OSMR: variants seen among roughly 807,000 people sequenced by gnomAD.
OSMR encodes the protein oncostatin M receptor.
A neutral mutation model predicts 99.9 loss-of-function variants in OSMR; 81 were observed. The observed-to-expected ratio is 0.81, with a 90% CI of 0.68 to 0.97. OSMR has a LOEUF of 0.97. Ranked by LOEUF, OSMR falls within the 50% of genes least tolerant of loss-of-function variation. The pLI is 0.00. For synonymous variants in OSMR, 406 were observed against 410.4 expected (o/e 0.99, Z 0.13); for missense variants, 1,099 against 1,153.4 (o/e 0.95, Z 0.68).
intron 10 of OSMR, 182 bp from the exon 11 acceptor site, chr5:38,918,658 A>G: frequency 1.3e-6 from 1 of 786,836 alleles, no homozygotes; most frequent in Non-Finnish European, 1.5e-6. Context: ...ACTCACCTTC[A>G]GTTAGATTTG....
intron 15 of OSMR, 43 bp downstream of exon 15, chr5:38,925,414 G>A: frequency 3.9e-6 from 6 of 1,530,558 alleles, no homozygotes; most frequent in Middle Eastern, 1.7e-4. Context: ...GGAGTTTCTG[G>A]GAAACTAACA....
In OSMR at chr5:38,904,489, C is replaced by T; in HGVS notation, c.1271C>T (p.Thr424Ile). The change falls in exon 9 of 18, where the codon ACC becomes ATC. Residue 424 changes from threonine to isoleucine, a missense_variant. Transcript: ENST00000274276. ...AGTGAATGGAGTGGTCAGAACTTCACCACACTTGAAGCTGGTATGTTCAGC... is the reference window on the plus strand; with the variant it reads ...AGTGAATGGAGTGGTCAGAACTTCATCACACTTGAAGCTGGTATGTTCAGC... ...KWSEWSGQNFTTLEAAPSEAP... is the reference protein window; with the variant it reads ...KWSEWSGQNFITLEAAPSEAP... 4 of 1,614,128 alleles carry T rather than the reference C, an allele frequency of 2.5e-6. No homozygotes were observed. The highest frequency in any genetic ancestry group is 2.5e-6 in the Non-Finnish European group (3 of 1,180,024).
chr5:38,891,928 C>T (rs970448599), intron 7 of OSMR, among the ~76,000 whole-genome samples: 1 of 152,144 alleles, frequency 6.6e-6, no homozygotes. Flanking sequence ...ACCCAGACTG[C>T]AGATCACATG....
At chr5:38,875,459 A>G (rs1227872337) in intron 2 of OSMR, among the ~76,000 whole-genome samples, 2 of 152,218 alleles carry the variant, frequency 1.3e-5, no homozygotes, top group East Asian at 3.8e-4. Flanking sequence ...AGTCAGCCTA[A>G]GAGATAGGCT....
At chr5:38,904,288 A>G (rs889819990) in intron 8 of OSMR, 65 bp from the exon 9 acceptor site, 3 of 1,559,896 alleles carry the variant, frequency 1.9e-6, no homozygotes, top group South Asian at 1.2e-5. Flanking sequence ...AATGGGATGC[A>G]CTCACCAATG....
intron 1 of OSMR, among the ~76,000 whole-genome samples, chr5:38,858,383 G>T (rs1445182776): frequency 1.3e-5 from 2 of 150,832 alleles, no homozygotes; most frequent in African/African-American, 4.9e-5. Context: ...TCTGTGCCTG[G>T]CTTATTTCAC....
In OSMR at chr5:38,924,484, T is replaced by C; in HGVS notation, c.1933T>C (p.Trp645Arg). The C allele has an allele frequency of 6.2e-7, 1 of 1,613,586 alleles. No homozygotes were observed. Among genetic ancestry groups the C allele is most frequent in the South Asian group, 1.1e-5 (1 of 91,082 alleles). The change falls in exon 14 of 18, where the codon TGG becomes CGG. Residue 645 changes from tryptophan (W) to arginine (R), a missense_variant. Physicochemically the swap from Trp to Arg is moderately radical, Grantham distance 101. Transcript: ENST00000274276. ...TLTSHSFTLS[W>R]KDYSTESQPG... Reference sequence around the variant, plus strand: ...GACATCCCACTCCTTCACTCTGAGTTGGAAAGATTACTCTACTGAATCTCA... The same window carrying C: ...GACATCCCACTCCTTCACTCTGAGTCGGAAAGATTACTCTACTGAATCTCA...
chr5:38,898,723 CTGG>C lies in OSMR; in HGVS notation c.992-5154_992-5152del, dbSNP rs200684017. ...TTCTTTTAGTGCAGGTGATTTTTCT[CTGG>C]TGGTATGATTTAATTTTCTGCTTTT... On this transcript the variant is annotated intron_variant, in intron 7 of 17. Transcript: ENST00000274276. Among the ~76,000 whole-genome samples the C allele has an allele frequency of 1.5e-3, 235 of 151,968 alleles. 4 individuals are homozygous for C. In the East Asian group the frequency reaches 0.036, roughly 23 times the overall value.
intron 1 of OSMR, among the ~76,000 whole-genome samples, chr5:38,857,655 C>T (rs1740959305): frequency 6.6e-6 from 1 of 151,984 alleles, no homozygotes; most frequent in Non-Finnish European, 1.5e-5. Context: ...ACTCTCTCTT[C>T]TAGCTATCTT....
intron 9 of OSMR, among the ~76,000 whole-genome samples, chr5:38,914,625 A>G (rs902471684): frequency 3.3e-5 from 5 of 152,246 alleles, no homozygotes; most frequent in African/African-American, 1.2e-4. Flanking sequence ...TGGATTGGAC[A>G]AAGAAAATAT....
intron 2 of OSMR, among the ~76,000 whole-genome samples, chr5:38,872,165 C>T (rs1742432190): frequency 6.6e-6 from 1 of 152,214 alleles, no homozygotes; most frequent in Non-Finnish European, 1.5e-5. Context: ...TTTGATCCCA[C>T]TGACTTAACC....
At chr5:38,912,325 G>C (rs919484798) in intron 9 of OSMR, among the ~76,000 whole-genome samples, 2 of 151,984 alleles carry the variant, frequency 1.3e-5, no homozygotes, top group Non-Finnish European at 2.9e-5. Flanking sequence ...TCCTACTTTC[G>C]ATACTCACAT....
intron 9 of OSMR, among the ~76,000 whole-genome samples, chr5:38,913,846 CAGA>C (rs1252902762): frequency 6.6e-6 from 1 of 152,146 alleles, no homozygotes; most frequent in African/African-American, 2.4e-5. Flanking sequence ...CGTTTTTGCA[CAGA>C]AGGAGGTGTT....
At chr5:38,941,071 CAT>C (rs1262766005) in intron 1 of OSMR, 2 of 232,556 alleles carry the variant, frequency 8.6e-6, no homozygotes, top group African/African-American at 4.4e-5. Context: ...TACAAATTTG[CAT>C]ATATGTTTAA....
intron 11 of OSMR, among the ~76,000 whole-genome samples, chr5:38,920,863 C>G (rs548154167): frequency 1.3e-5 from 2 of 152,304 alleles, no homozygotes; most frequent in East Asian, 3.9e-4. Context: ...TTCCAATTGT[C>G]AGACATCAGG....
chr5:38,886,324 G>C lies in OSMR; in HGVS notation c.991+134G>C, dbSNP rs997522929. 19 of 1,524,544 alleles carry C rather than the reference G, an allele frequency of 1.2e-5. No homozygotes were observed. In the African/African-American group the frequency reaches 2.4e-4, roughly 19 times the overall value. The allele number at this position is 1,524,544 out of a possible 1,614,324, so 94.4% of individuals were successfully genotyped here. On this transcript the variant is annotated intron_variant, in intron 7 of 17. Transcript: ENST00000274276. Reference sequence around the variant, plus strand: ...GTGAGAGTTAGAATTTATACCTATTGTTCATGCCACGTTTCTCCTCATGGA... The same window carrying C: ...GTGAGAGTTAGAATTTATACCTATTCTTCATGCCACGTTTCTCCTCATGGA...
In OSMR at chr5:38,904,347, A is replaced by G. The variant is rs1745090899; in HGVS notation, c.1135-6A>G. ...TTTTCTTTTCTTCTCTTTTTTGATCAAGCAGTACAATGTTTCCATCAAGGT... is the reference window on the plus strand; with the variant it reads ...TTTTCTTTTCTTCTCTTTTTTGATCGAGCAGTACAATGTTTCCATCAAGGT... On this transcript the variant is annotated splice_polypyrimidine_tract_variant and splice_region_variant and intron_variant, in intron 8 of 17. Coordinates refer to ENST00000274276, the MANE Select transcript of OSMR (RefSeq NM_003999.3). 1.9e-6 allele frequency: 3 copies of G among 1,613,472 alleles called. No individual in the cohort carries two copies. Among genetic ancestry groups the G allele is most frequent in the South Asian group, 1.1e-5 (1 of 91,040 alleles).
At position 38,885,807 on chromosome 5, in the gene OSMR, C is replaced by T. The variant is rs1743690581; in HGVS notation, c.840-232C>T. The T allele has an allele frequency of 7.8e-6, 7 of 898,476 alleles. No homozygotes were observed. In the Admixed American group the frequency reaches 3.1e-4, roughly 40 times the overall value. The allele number at this position is 898,476 out of a possible 1,614,324, so 55.7% of individuals were successfully genotyped here. A position where few individuals can be genotyped will look rare whatever the true frequency, so the allele number is the denominator to read the frequency against. ...TATTCCAAGTAAATTAAGGGATGTTCTTGCCACCCACGGGGAGTCAGTGAT... is the reference window on the plus strand; with the variant it reads ...TATTCCAAGTAAATTAAGGGATGTTTTTGCCACCCACGGGGAGTCAGTGAT... On this transcript the variant is annotated intron_variant, in intron 6 of 17. Coordinates refer to ENST00000274276, the MANE Select transcript of OSMR (RefSeq NM_003999.3).
intron 1 of OSMR, among the ~76,000 whole-genome samples, chr5:38,854,108 C>CTT (rs2112057350): frequency 6.6e-6 from 1 of 152,088 alleles, no homozygotes; most frequent in African/African-American, 2.4e-5. Context: ...GCATTCAACT[C>CTT]TTTGTACTGC....
Sources: allele counts gnomAD v4.1 joint callset (sites outside exome capture counted in the v4.1 genomes callset), GRCh38; gene constraint gnomAD v4.1.1; transcripts MANE v1.5; gene names NCBI Gene and HGNC (gene_info 2026-07-23, HGNC 2026-07-21).